NIBAN3: variants seen among roughly 807,000 people sequenced by gnomAD.
The protein encoded by NIBAN3 is protein Niban 3.
Under a neutral mutation model 76.4 loss-of-function variants are expected in NIBAN3, and 66 were observed. The ratio of observed to expected loss-of-function variants is 0.86; its 90% CI spans 0.71 to 1.06. NIBAN3 has a LOEUF of 1.06. NIBAN3 is among the 50% of genes least tolerant of loss of function. NIBAN3 has a pLI of 0.00. For synonymous variants in NIBAN3, 360 were observed against 355.2 expected, an observed-to-expected ratio of 1.01 and a Z score of -0.15; for missense variants, 808 against 810.7, an observed-to-expected ratio of 1.00 and a Z score of 0.04.
At chr19:17,548,329 T>G (rs930857760) in intron 13 of NIBAN3, among the ~76,000 whole-genome samples, 1 of 151,920 alleles carries the variant, frequency 6.6e-6, no homozygotes, top group Non-Finnish European at 1.5e-5. Flanking sequence ...AGACTTATGG[T>G]GCAGGCAGTG....
chr19:17,543,215 G>A (rs2075986750), intron 10 of NIBAN3, 102 bp from the exon 11 acceptor site: 2 of 731,368 alleles, frequency 2.7e-6, no homozygotes, highest in South Asian at 1.8e-5. Flanking sequence ...GAGGTGGCTG[G>A]TTGGAACAGG....
At chr19:17,524,916 G>C (rs1159825345), upstream of NIBAN3, among the ~76,000 whole-genome samples, 1 of 152,202 alleles carries the variant, frequency 6.6e-6, no homozygotes, top group Non-Finnish European at 1.5e-5. Context: ...TGGCCAGCCT[G>C]GGTTGCACAG....
At position 17,540,539 on chromosome 19, in the gene NIBAN3, A is replaced by G; in HGVS notation, c.1127A>G (p.His376Arg). ...LLAQGMDRLSHRLRQSPSGTR... is the reference protein window; with the variant it reads ...LLAQGMDRLSRRLRQSPSGTR... Reference sequence around the variant, plus strand: ...GCTCAAGGCATGGACCGACTGTCCCACCGCCTGCGCCAGAGCCCCTCAGGC... The same window carrying G: ...GCTCAAGGCATGGACCGACTGTCCCGCCGCCTGCGCCAGAGCCCCTCAGGC... Residue 376 changes from histidine to arginine, a missense_variant, in exon 9 of 15, where the codon CAC becomes CGC. By Grantham distance (29) the His-to-Arg change is conservative. Coordinates refer to ENST00000599164, the MANE Select transcript of NIBAN3 (RefSeq NM_001321827.2). The G allele has an allele frequency of 3.2e-6, 5 of 1,568,228 alleles. No homozygotes were observed. The highest frequency in any genetic ancestry group is 4.3e-6 in the Non-Finnish European group (5 of 1,156,760).
At chr19:17,525,777 G>A (rs2075600540), upstream of NIBAN3, among the ~76,000 whole-genome samples, 1 of 152,066 alleles carries the variant, frequency 6.6e-6, no homozygotes, top group Non-Finnish European at 1.5e-5. Flanking sequence ...GAGTTTTGGG[G>A]TGCTAAAGAT....
Position 17,549,491 on chromosome 19 carries a change from G to A in NIBAN3, c.1714G>A (p.Gly572Ser), listed in dbSNP as rs11666267. 856,367 of 1,612,294 alleles carry A rather than the reference G, an allele frequency of 0.53. 232,908 individuals are homozygous for A. Among genetic ancestry groups the A allele is most frequent in the Middle Eastern group, 0.6 (3,628 of 6,060 alleles). ...GANDVSCTLD[G>S]CLEVPWEQEG... ...CAATGATGTATCCTGCACTCTGGAC[G>A]GCTGCTTGGAGGTCCCATGGGAACA... Residue 572 changes from glycine (G) to serine (S), a missense_variant, in exon 14 of 15, where the codon GGC becomes AGC. By Grantham distance (56) the Gly-to-Ser change is moderately conservative (BLOSUM62 0). Coordinates refer to ENST00000599164, the MANE Select transcript of NIBAN3 (RefSeq NM_001321827.2).
intron 13 of NIBAN3, among the ~76,000 whole-genome samples, chr19:17,549,166 A>G (rs2076112567): frequency 1.3e-5 from 2 of 152,128 alleles, no homozygotes; most frequent in African/African-American, 4.8e-5. Context: ...CTTCCTAAAG[A>G]TTTTATGTAT....
chr19:17,546,800 G>A lies in NIBAN3; in HGVS notation c.1666+3G>A. On this transcript the variant is annotated splice_donor_region_variant and intron_variant, in intron 13 of 14. Transcript: ENST00000599164. ...CTTGCTGCAGAGGATTGACCAAGGT[G>A]AGTCCCGCCCTGCCATGGCTCAGAG... 1.9e-6 allele frequency: 3 copies of A among 1,589,624 alleles called. 1 individual carries two copies. The South Asian group carries it at 3.4e-5, about 18-fold the overall frequency.
chr19:17,532,613 G>A (rs574175142), intron 3 of NIBAN3, among the ~76,000 whole-genome samples: 6 of 152,306 alleles, frequency 3.9e-5, no homozygotes, highest in African/African-American at 1.4e-4. Flanking sequence ...TAGGGTCGTG[G>A]TCAGTATCAG....
upstream of NIBAN3, chr19:17,523,344 T>C (rs1248132699): frequency 1.7e-6 from 2 of 1,172,712 alleles, no homozygotes; most frequent in Admixed American, 5.0e-5. Flanking sequence ...GAGGCGGCTG[T>C]GCAGGGTGAG....
chr19:17,531,968 G>C (rs2075733837), intron 2 of NIBAN3, among the ~76,000 whole-genome samples: 1 of 152,212 alleles, frequency 6.6e-6, no homozygotes, highest in Non-Finnish European at 1.5e-5. Context: ...ACACTACAGA[G>C]GTGTGATTTC....
intron 12 of NIBAN3, chr19:17,545,865 A>G (rs780000985): frequency 2.4e-5 from 9 of 371,188 alleles, no homozygotes; most frequent in Middle Eastern, 9.3e-4. Context: ...CCTGACTGAT[A>G]TCAGGCCCTC....
upstream of NIBAN3, chr19:17,523,481 C>T (rs1325071242): frequency 3.9e-6 from 6 of 1,556,890 alleles, no homozygotes; most frequent in Non-Finnish European, 5.2e-6. Flanking sequence ...GCAAAGAGAG[C>T]TGAGCGGAAG....
At chr19:17,546,588 A>G in intron 12 of NIBAN3, 98 bp from the exon 13 acceptor site, 1 of 1,308,150 alleles carries the variant, frequency 7.6e-7, no homozygotes, top group Non-Finnish European at 9.7e-7. Flanking sequence ...CCCCAACCCC[A>G]CAGCTAATCA....
chr19:17,547,047 C>T (rs1401272145), intron 13 of NIBAN3, among the ~76,000 whole-genome samples: 1 of 151,984 alleles, frequency 6.6e-6, no homozygotes, highest in Admixed American at 6.6e-5. Context: ...AAGAAGGAGG[C>T]AGAGTTCAAA....
Position 17,533,627 on chromosome 19 carries a change from T to C in NIBAN3, c.353T>C (p.Leu118Pro). The C allele has an allele frequency of 6.2e-7, 1 of 1,614,148 alleles. No homozygotes were observed. Among genetic ancestry groups the C allele is most frequent in the Non-Finnish European group, 8.5e-7 (1 of 1,180,016 alleles). ...NGGHCLGSTA[L>P]TGYTLLTSQR... ...GGCCACTGCCTTGGCTCAACAGCCC[T>C]GACAGGATACACGCTCCTGACTTCC... The change falls in exon 4 of 15, where the codon CTG becomes CCG. Residue 118 changes from leucine to proline, a missense_variant. By Grantham distance (98) the Leu-to-Pro change is moderately conservative. Coordinates refer to ENST00000599164, the MANE Select transcript of NIBAN3 (RefSeq NM_001321827.2).
At position 17,539,223 on chromosome 19, in the gene NIBAN3, C is replaced by T. The variant is rs1429149182; in HGVS notation, c.669C>T (p.Gly223=). 5 of 1,608,758 alleles carry T rather than the reference C, an allele frequency of 3.1e-6. No individual in the cohort carries two copies. The highest frequency in any genetic ancestry group is 1.1e-5 in the South Asian group (1 of 90,284). ...TCCGACTCTACCGGCAGCACCAAGG[C>T]CACTTTGGCGACGACGACGTGACCC... ...DAVRLYRQHQ[G]HFGDDDVTLG... Residue 223 remains glycine (G), a synonymous_variant, in exon 6 of 15, where the codon GGC becomes GGT. Coordinates refer to ENST00000599164, the MANE Select transcript of NIBAN3 (RefSeq NM_001321827.2).
In NIBAN3 at chr19:17,543,326, G is replaced by C. The variant is rs1215540847; in HGVS notation, c.1339G>C (p.Asp447His). The C allele has an allele frequency of 6.4e-7, 1 of 1,562,312 alleles. No individual in the cohort carries two copies. Among genetic ancestry groups the C allele is most frequent in the Non-Finnish European group, 8.7e-7 (1 of 1,150,682 alleles). Reference protein sequence around the residue: ...AQDLAQQLMADAVATFLQLAD... With the variant: ...AQDLAQQLMAHAVATFLQLAD... ...GCATCTCCTCCCACAGCTCATGGCT[G>C]ACGCCGTGGCCACCTTCCTGCAGCT... Residue 447 changes from aspartate (D) to histidine (H), a missense_variant, in exon 11 of 15, where the codon GAC (aspartate) becomes CAC (histidine). Asp to His is a moderately conservative substitution (Grantham distance 81). Transcript: ENST00000599164.
chr19:17,524,678 G>C (rs73020490), upstream of NIBAN3, among the ~76,000 whole-genome samples: 6 of 152,116 alleles, frequency 3.9e-5, no homozygotes, highest in African/African-American at 1.4e-4. Flanking sequence ...GCAAAACAGA[G>C]GTTTAGCTCT....
rs189833122 is a variant in NIBAN3, at chr19:17,539,828, T to A, written c.979+63T>A. 438 of 1,295,886 alleles carry A rather than the reference T, an allele frequency of 3.4e-4. 4 individuals are homozygous for A. The African/African-American group carries it at 6.3e-3, about 19-fold the overall frequency. The allele number at this position is 1,295,886 out of a possible 1,614,324, so 80.3% of individuals were successfully genotyped here. Reference sequence around the variant, plus strand: ...AGGCGATGCTGGGGAAAAAGGGGCGTGACCTAAGCGAAGAATGGGCTTGAA... The same window carrying A: ...AGGCGATGCTGGGGAAAAAGGGGCGAGACCTAAGCGAAGAATGGGCTTGAA... On this transcript the variant is annotated intron_variant, in intron 8 of 14. Transcript: ENST00000599164.
Sources: gnomAD v4.1 joint callset for allele counts (sites outside exome capture counted in the v4.1 genomes callset) on GRCh38, gnomAD v4.1.1 for gene constraint, MANE v1.5 for transcripts, NCBI Gene and HGNC (gene_info 2026-07-23, HGNC 2026-07-21) for gene names.